Variants in ATP10B observed in about 807,000 individuals in gnomAD.
ATP10B encodes the protein ATPase phospholipid transporting 10B (putative), also known as phospholipid-transporting ATPase VB.
ATP10B carries 122 observed loss-of-function variants against 141.2 expected under a neutral mutation model. The observed-to-expected ratio is 0.86, with a 90% confidence interval of 0.75 to 1.00. The LOEUF (loss-of-function observed/expected upper bound fraction) is 1.00, where lower values mean the gene tolerates loss of function less well. Among genes scored for constraint, ATP10B ranks in the 50% least tolerant of loss-of-function variants. ATP10B has a pLI of 0.00. For synonymous variants in ATP10B, 685 were observed against 692.0 expected, an observed-to-expected ratio of 0.99 and a Z score of 0.16; for missense variants, 1,876 against 1,825.3, an observed-to-expected ratio of 1.03 and a Z score of -0.51.
Position 160,816,688 on chromosome 5 carries a change from A to G in ATP10B, c.-575-30885T>C, listed in dbSNP as rs534338509. On this transcript the variant is annotated intron_variant, in intron 1 of 25. Transcript: ENST00000327245. ...TCATCCTGATACCAAAGCCGGACAG[A>G]GACACAAGAAAAAAAGAGAATTTTA... Among the ~76,000 whole-genome samples, 1,060 of 152,302 alleles carry G rather than the reference A, an allele frequency of 7.0e-3. 15 individuals carry two copies. Among genetic ancestry groups the G allele is most frequent in the African/African-American group, 0.024 (999 of 41,546 alleles).
chr5:160,716,958 C>T lies in ATP10B; in HGVS notation c.-254G>A. 2 of 985,368 alleles carry T rather than the reference C, an allele frequency of 2.0e-6. No homozygotes were observed. Among genetic ancestry groups the T allele is most frequent in the South Asian group, 9.4e-5 (2 of 21,294 alleles). The allele number at this position is 985,368 out of a possible 1,614,324, so 61.0% of individuals were successfully genotyped here. A position where few individuals can be genotyped will look rare whatever the true frequency, so the allele number is the denominator to read the frequency against. ...GGTTAGACCAGTGACCTTTGCTGTG[C>T]CCCTACAGCCACAGGAAGAGGGGGC... On this transcript the variant is annotated 5_prime_UTR_variant, in exon 3 of 26. Coordinates refer to ENST00000327245, the MANE Select transcript of ATP10B (RefSeq NM_025153.3).
chr5:160,655,944 G>C (rs1761465539), intron 7 of ATP10B, among the ~76,000 whole-genome samples: 2 of 152,066 alleles, frequency 1.3e-5, no homozygotes, highest in East Asian at 3.9e-4. Context: ...AAGGAAAGTG[G>C]GCCTGGTGCC....
chr5:160,672,406 A>T lies in ATP10B; in HGVS notation c.471-1739T>A, dbSNP rs150949829. On this transcript the variant is annotated intron_variant, in intron 6 of 25. Coordinates refer to ENST00000327245, the MANE Select transcript of ATP10B (RefSeq NM_025153.3). ...TACCATTCTTTAAATATTTTAAGGCATTCATCAGGTGTCCCATGAAGACTT... is the reference window on the plus strand; with the variant it reads ...TACCATTCTTTAAATATTTTAAGGCTTTCATCAGGTGTCCCATGAAGACTT... Among the ~76,000 whole-genome samples, 378 of 152,296 alleles carry T rather than the reference A, an allele frequency of 2.5e-3. 3 individuals carry two copies. Among genetic ancestry groups the T allele is most frequent in the African/African-American group, 8.6e-3 (358 of 41,558 alleles).
intron 15 of ATP10B, 104 bp downstream of exon 15, chr5:160,620,243 C>A: frequency 7.1e-7 from 1 of 1,414,330 alleles, no homozygotes. Flanking sequence ...TTGGGACCTG[C>A]CATACCAGGT....
At chr5:160,861,619 G>T in the ATP10B span, among the ~76,000 whole-genome samples, 8 of 151,936 alleles carry the variant, frequency 5.3e-5, no homozygotes, top group African/African-American at 1.7e-4. Context: ...TATATGCTGT[G>T]CAGTAGAAGA....
chr5:160,781,104 G>A (rs1159128560), intron 2 of ATP10B, among the ~76,000 whole-genome samples: 3 of 152,166 alleles, frequency 2.0e-5, no homozygotes, highest in Non-Finnish European at 4.4e-5. Context: ...GTTGGTTAAA[G>A]CAGAAAGATC....
At chr5:160,821,800 T>C (rs919524488) in intron 1 of ATP10B, among the ~76,000 whole-genome samples, 22 of 152,152 alleles carry the variant, frequency 1.4e-4, no homozygotes, top group Non-Finnish European at 2.6e-4. Flanking sequence ...GAAAACCGGA[T>C]ATCCATATGC....
At chr5:160,729,561 G>A (rs535471039) in intron 2 of ATP10B, among the ~76,000 whole-genome samples, 15 of 152,192 alleles carry the variant, frequency 9.9e-5, no homozygotes, top group South Asian at 4.1e-4. Flanking sequence ...TCAGAGTAGC[G>A]GTACAAGCAA....
intron 7 of ATP10B, among the ~76,000 whole-genome samples, chr5:160,659,458 C>T (rs918373736): frequency 2.0e-5 from 3 of 151,480 alleles, no homozygotes; most frequent in African/African-American, 7.3e-5. Flanking sequence ...GTGCAAGGCT[C>T]CGTCTCAAAT....
At chr5:160,779,066 G>T (rs1285419534) in intron 2 of ATP10B, among the ~76,000 whole-genome samples, 3 of 152,168 alleles carry the variant, frequency 2.0e-5, no homozygotes, top group African/African-American at 7.2e-5. Context: ...TGCAGAAGCT[G>T]GTTATGTGTT....
chr5:160,784,787 T>A (rs1288127152), intron 2 of ATP10B, among the ~76,000 whole-genome samples: 1 of 152,132 alleles, frequency 6.6e-6, no homozygotes, highest in African/African-American at 2.4e-5. Context: ...GCTTTCCTCT[T>A]AGAGGAAGCA....
chr5:160,700,115 A>G (rs1046659433), intron 3 of ATP10B, among the ~76,000 whole-genome samples: 3 of 152,204 alleles, frequency 2.0e-5, no homozygotes, highest in Admixed American at 6.5e-5. Flanking sequence ...TCTGGAAATC[A>G]GAACCAGGGA....
chr5:160,724,942 C>T lies in ATP10B; in HGVS notation c.-330-7908G>A, dbSNP rs547338930. On this transcript the variant is annotated intron_variant, in intron 2 of 25. Coordinates refer to ENST00000327245, the MANE Select transcript of ATP10B (RefSeq NM_025153.3). Reference sequence around the variant, plus strand: ...ATTTTTTGTTTGCTTATTGCCATTGCTTTCCACTACTAGCATGTAAACTAT... The same window carrying T: ...ATTTTTTGTTTGCTTATTGCCATTGTTTTCCACTACTAGCATGTAAACTAT... Among the ~76,000 whole-genome samples, 11 of 152,314 alleles carry T rather than the reference C, an allele frequency of 7.2e-5. No individual in the cohort carries two copies. The South Asian group carries it at 8.3e-4, about 11-fold the overall frequency.
the ATP10B span, among the ~76,000 whole-genome samples, chr5:160,880,139 G>T: frequency 6.9e-6 from 1 of 145,868 alleles, no homozygotes; most frequent in Admixed American, 6.9e-5. Context: ...TTATATAATA[G>T]ATTACATAAT....
In ATP10B at chr5:160,644,252, T is replaced by A; in HGVS notation, c.762-8A>T. The A allele has an allele frequency of 6.2e-7, 1 of 1,611,032 alleles. No homozygotes were observed. The highest frequency in any genetic ancestry group is 1.7e-5 in the Admixed American group (1 of 59,986). Reference sequence around the variant, plus strand: ...GTCTGGTCAGGATGCTCCCTGGGGATGATGAATAAAAGACAGGGGGTGGTT... The same window carrying A: ...GTCTGGTCAGGATGCTCCCTGGGGAAGATGAATAAAAGACAGGGGGTGGTT... On this transcript the variant is annotated splice_polypyrimidine_tract_variant and splice_region_variant and intron_variant, in intron 8 of 25. Transcript: ENST00000327245.
chr5:160,786,196 TAGA>T (rs986871093), intron 1 of ATP10B, among the ~76,000 whole-genome samples: 4 of 152,040 alleles, frequency 2.6e-5, no homozygotes, highest in African/African-American at 7.3e-5. Flanking sequence ...GAAAATGTAG[TAGA>T]AGGTCTCTTT....
chr5:160,626,423 A>C (rs1758616277), intron 13 of ATP10B, among the ~76,000 whole-genome samples: 1 of 152,222 alleles, frequency 6.6e-6, no homozygotes, highest in Admixed American at 6.5e-5. Flanking sequence ...TCCATTATCT[A>C]ATCATCCTAA....
At chr5:160,653,477 ATAGGTAG>A (rs1561704354) in intron 7 of ATP10B, among the ~76,000 whole-genome samples, 1 of 70,370 alleles carries the variant, frequency 1.4e-5, no homozygotes, top group African/African-American at 6.0e-5. Flanking sequence ...ACATACATAC[ATAGGTAG>A]TATATATACA....
intron 24 of ATP10B, among the ~76,000 whole-genome samples, chr5:160,583,463 C>T (rs1456990084): frequency 6.6e-6 from 1 of 152,194 alleles, no homozygotes. Context: ...AGAGGGGCAC[C>T]CACCAGATGC....
Sources: gnomAD v4.1 joint callset for allele counts (sites outside exome capture counted in the v4.1 genomes callset) on GRCh38, gnomAD v4.1.1 for gene constraint, MANE v1.5 for transcripts, NCBI Gene and HGNC (gene_info 2026-07-23, HGNC 2026-07-21) for gene names.